The following ARHGAP18 variants were observed in gnomAD, a reference collection of about 807,000 sequenced individuals.
ARHGAP18 encodes the protein Rho GTPase activating protein 18, also known as rho GTPase-activating protein 18.
ARHGAP18 carries 67 observed loss-of-function variants against 86.2 expected under a neutral mutation model. The observed-to-expected ratio is 0.78, with a 90% CI of 0.64 to 0.95. ARHGAP18 has a LOEUF of 0.95. Ranked by LOEUF, ARHGAP18 falls within the 40% of genes least tolerant of loss-of-function variation. The pLI, the probability that ARHGAP18 is intolerant of heterozygous loss-of-function variation, is 0.00. For missense variants in ARHGAP18, 691 were observed against 780.4 expected (o/e 0.89, Z 1.37); for synonymous variants, 283 against 280.4 (o/e 1.01, Z -0.09).
intron 5 of ARHGAP18, among the ~76,000 whole-genome samples, chr6:129,622,527 C>G (rs1410488815): frequency 6.6e-6 from 1 of 152,080 alleles, no homozygotes; most frequent in Non-Finnish European, 1.5e-5. Context: ...AAACATTGTG[C>G]TTAATGAAGG....
Position 129,593,749 on chromosome 6 carries a change from T to C in ARHGAP18, c.1713+5467A>G, listed in dbSNP as rs79968952. ...TAATGGTCTACAATTTTCTTATTTT[T>C]CCTCCAACTGTTTCTTCCTACTATA... On this transcript the variant is annotated intron_variant, in intron 12 of 14. Coordinates refer to ENST00000368149, the MANE Select transcript of ARHGAP18 (RefSeq NM_033515.3). 3.8e-3 allele frequency among the ~76,000 whole-genome samples: 572 copies of C among 152,280 alleles called. 3 individuals carry two copies. Among genetic ancestry groups the C allele is most frequent in the African/African-American group, 0.013 (540 of 41,564 alleles).
At chr6:129,623,624 A>C (rs1265976526) in intron 5 of ARHGAP18, among the ~76,000 whole-genome samples, 7 of 152,220 alleles carry the variant, frequency 4.6e-5, no homozygotes, top group Non-Finnish European at 1.0e-4. Flanking sequence ...AATGGAACTT[A>C]AGGTTTTATC....
chr6:129,690,910 T>G (rs1006106283), intron 1 of ARHGAP18, among the ~76,000 whole-genome samples: 2 of 152,232 alleles, frequency 1.3e-5, no homozygotes, highest in South Asian at 4.1e-4. Flanking sequence ...ATTTCAATGC[T>G]ATCATTACTT....
chr6:129,677,823 T>G (rs1273897952), intron 1 of ARHGAP18, among the ~76,000 whole-genome samples: 4 of 152,228 alleles, frequency 2.6e-5, no homozygotes, highest in African/African-American at 9.6e-5. Flanking sequence ...CCTATCATCA[T>G]TTTTCCTTGT....
chr6:129,701,939 G>A (rs1045812016), intron 1 of ARHGAP18, among the ~76,000 whole-genome samples: 1 of 152,182 alleles, frequency 6.6e-6, no homozygotes, highest in Admixed American at 6.5e-5. Flanking sequence ...GAAAAGAATT[G>A]AGAGTCTCCA....
chr6:129,637,220 G>A (rs950424678), intron 3 of ARHGAP18, among the ~76,000 whole-genome samples: 12 of 151,270 alleles, frequency 7.9e-5, no homozygotes, highest in African/African-American at 2.7e-4. Flanking sequence ...ACATGCCACC[G>A]CACCCAGCTA....
intron 1 of ARHGAP18, among the ~76,000 whole-genome samples, chr6:129,680,472 T>C (rs914650051): frequency 2.0e-5 from 3 of 152,296 alleles, no homozygotes; most frequent in East Asian, 3.9e-4. Context: ...CCCCTCTCCT[T>C]CCTCCTCAAT....
chr6:129,683,366 C>A (rs866049612), intron 1 of ARHGAP18, among the ~76,000 whole-genome samples: 1 of 152,124 alleles, frequency 6.6e-6, no homozygotes, highest in Non-Finnish European at 1.5e-5. Context: ...CCACCACGCC[C>A]GGCCTTGTTT....
At chr6:129,664,650 T>G (rs1377344456) in intron 1 of ARHGAP18, among the ~76,000 whole-genome samples, 1 of 152,200 alleles carries the variant, frequency 6.6e-6, no homozygotes, top group African/African-American at 2.4e-5. Flanking sequence ...TTACTCAAGA[T>G]TGAAGTAAAT....
chr6:129,582,798 G>A (rs754000939), intron 13 of ARHGAP18, among the ~76,000 whole-genome samples: 2 of 152,214 alleles, frequency 1.3e-5, no homozygotes, highest in African/African-American at 2.4e-5. Flanking sequence ...TATGAAAAAT[G>A]TGTGACCTTG....
At chr6:129,620,867 C>T (rs1049529353) in intron 5 of ARHGAP18, among the ~76,000 whole-genome samples, 2 of 152,158 alleles carry the variant, frequency 1.3e-5, no homozygotes, top group Non-Finnish European at 2.9e-5. Flanking sequence ...TTGCCTTTTA[C>T]ACTCTCATTC....
chr6:129,589,311 A>G (rs1047686507), intron 12 of ARHGAP18, among the ~76,000 whole-genome samples: 3 of 152,092 alleles, frequency 2.0e-5, no homozygotes, highest in African/African-American at 7.2e-5. Context: ...AGATACCCTA[A>G]ATCATCTCTC....
intron 6 of ARHGAP18, among the ~76,000 whole-genome samples, 185 bp from the exon 7 acceptor site, chr6:129,616,488 T>C (rs1473757400): frequency 6.6e-6 from 1 of 152,144 alleles, no homozygotes; most frequent in East Asian, 1.9e-4. Flanking sequence ...GGCCCTGCCT[T>C]ATAGAGGAAT....
intron 5 of ARHGAP18, among the ~76,000 whole-genome samples, chr6:129,627,132 T>C (rs1789493238): frequency 6.6e-6 from 1 of 152,136 alleles, no homozygotes; most frequent in Admixed American, 6.6e-5. Flanking sequence ...TTTTTACAAA[T>C]ATATATAATT....
intron 12 of ARHGAP18, among the ~76,000 whole-genome samples, chr6:129,586,730 G>A (rs1788401697): frequency 6.6e-6 from 1 of 152,136 alleles, no homozygotes; most frequent in East Asian, 1.9e-4. Context: ...ACCATAAAGA[G>A]TTCAGGGATA....
chr6:129,581,843 A>AT (rs1659623354), intron 13 of ARHGAP18, among the ~76,000 whole-genome samples: 1 of 152,156 alleles, frequency 6.6e-6, no homozygotes, highest in Non-Finnish European at 1.5e-5. Flanking sequence ...GGTGGAAGAA[A>AT]TATATAAACA....
At chr6:129,693,602 C>T (rs1354726826) in intron 1 of ARHGAP18, among the ~76,000 whole-genome samples, 1 of 152,272 alleles carries the variant, frequency 6.6e-6, no homozygotes, top group Non-Finnish European at 1.5e-5. Context: ...AGAAAATGTC[C>T]TCCCTGTGAA....
Position 129,616,204 on chromosome 6 carries a change from C to A in ARHGAP18, c.1044+8G>T. The A allele has an allele frequency of 6.2e-7, 1 of 1,604,228 alleles. No homozygotes were observed. ...TCTCTCTATGCTGACCAATCCAAGC[C>A]TACCTACTTTTTGAAAGATCAAGGG... On this transcript the variant is annotated splice_region_variant and intron_variant, in intron 7 of 14. Coordinates refer to ENST00000368149, the MANE Select transcript of ARHGAP18 (RefSeq NM_033515.3).
chr6:129,610,334 C>T (rs181389499), intron 8 of ARHGAP18, among the ~76,000 whole-genome samples: 202 of 152,258 alleles, frequency 1.3e-3, no homozygotes, highest in African/African-American at 4.7e-3. Flanking sequence ...ATCCCCCAGG[C>T]CAAAAAGTGA....
Sources: allele counts gnomAD v4.1 joint callset (sites outside exome capture counted in the v4.1 genomes callset), GRCh38; gene constraint gnomAD v4.1.1; transcripts MANE v1.5; gene names NCBI Gene and HGNC (gene_info 2026-07-23, HGNC 2026-07-21).